The following SGCZ variants were observed in gnomAD, a reference collection of about 807,000 sequenced individuals.
The protein encoded by SGCZ is sarcoglycan zeta.
SGCZ carries 40 observed loss-of-function variants against 41.3 expected under a neutral mutation model. That is an observed-to-expected ratio of 0.97 (90% CI 0.75 to 1.26). SGCZ has a LOEUF of 1.26. Among genes scored for constraint, SGCZ ranks in the 50% most tolerant of loss-of-function variants. The pLI is 0.00. For missense variants in SGCZ, 552 were observed against 369.8 expected (o/e 1.49, Z -4.04); for synonymous variants, 206 against 137.5 (o/e 1.50, Z -3.49).
intron 4 of SGCZ, among the ~76,000 whole-genome samples, chr8:14,167,549 A>C (rs1315472312): frequency 6.6e-6 from 1 of 152,194 alleles, no homozygotes; most frequent in Non-Finnish European, 1.5e-5. Context: ...ATAAACTCAC[A>C]ATCAACAAAG....
At chr8:14,238,393 T>C (rs1330348725) in intron 3 of SGCZ, among the ~76,000 whole-genome samples, 1 of 152,222 alleles carries the variant, frequency 6.6e-6, no homozygotes, top group Admixed American at 6.5e-5. Context: ...CTATAGTAAC[T>C]TATTTTTCAA....
intron 1 of SGCZ, among the ~76,000 whole-genome samples, chr8:14,620,284 T>G (rs1431663344): frequency 6.6e-6 from 1 of 152,002 alleles, no homozygotes; most frequent in African/African-American, 2.4e-5. Context: ...ATACAAAAAT[T>G]AATTCAAGAT....
intron 3 of SGCZ, among the ~76,000 whole-genome samples, chr8:14,248,851 C>T (rs969052722): frequency 6.6e-6 from 1 of 151,644 alleles, no homozygotes; most frequent in Non-Finnish European, 1.5e-5. Flanking sequence ...TGCATGTATG[C>T]TGTAACTTAA....
intron 3 of SGCZ, among the ~76,000 whole-genome samples, chr8:14,297,052 G>C (rs1801036137): frequency 6.6e-6 from 1 of 151,976 alleles, no homozygotes; most frequent in East Asian, 1.9e-4. Context: ...ATCCTGAGTA[G>C]TGAGGAGTAC....
intron 2 of SGCZ, among the ~76,000 whole-genome samples, chr8:14,494,517 G>GCA (rs1215800317): frequency 2.0e-5 from 3 of 151,898 alleles, no homozygotes; most frequent in Middle Eastern, 3.2e-3. Flanking sequence ...ATACACACAT[G>GCA]CACACACACA....
chr8:14,965,928 A>C (rs551941689), intron 1 of SGCZ, among the ~76,000 whole-genome samples: 4 of 152,240 alleles, frequency 2.6e-5, no homozygotes, highest in African/African-American at 7.2e-5. Flanking sequence ...ATCGAAGAAG[A>C]AACCAAAACT....
At chr8:15,172,154 G>GTTTTTTTTTTTTTTTT (rs1183210302) in intron 1 of SGCZ, among the ~76,000 whole-genome samples, 3 of 71,764 alleles carry the variant, frequency 4.2e-5, no homozygotes, top group African/African-American at 1.5e-4. Flanking sequence ...TTTATACTCT[G>GTTTTTTTTTTTTTTTT]TTTTTTTTTT....
intron 2 of SGCZ, among the ~76,000 whole-genome samples, chr8:14,550,867 G>T (rs925489129): frequency 2.6e-5 from 4 of 151,884 alleles, no homozygotes; most frequent in Admixed American, 1.3e-4. Context: ...TGTACAGATA[G>T]TTGTTCTAAA....
At chr8:15,166,911 T>C (rs73533417) in intron 1 of SGCZ, among the ~76,000 whole-genome samples, 2,477 of 152,314 alleles carry the variant, frequency 0.016, 58 homozygotes, top group African/African-American at 0.056. Flanking sequence ...AGAGCTGAAA[T>C]GTTCATGAAT....
intron 1 of SGCZ, among the ~76,000 whole-genome samples, chr8:14,710,554 C>T (rs1809483935): frequency 6.6e-6 from 1 of 151,900 alleles, no homozygotes; most frequent in African/African-American, 2.4e-5. Context: ...TCACTGTCTA[C>T]GTGAGTTAAT....
intron 1 of SGCZ, among the ~76,000 whole-genome samples, chr8:14,909,090 T>C (rs1799205190): frequency 2.0e-5 from 3 of 152,208 alleles, no homozygotes; most frequent in African/African-American, 7.2e-5. Context: ...GTGCATCAAG[T>C]TGATTAAGTA....
At chr8:15,078,180 T>G (rs1805613752) in intron 1 of SGCZ, among the ~76,000 whole-genome samples, 1 of 127,658 alleles carries the variant, frequency 7.8e-6, no homozygotes, top group Admixed American at 8.0e-5. Flanking sequence ...TTTTTTTGCG[T>G]AATGAATCCA....
intron 5 of SGCZ, chr8:14,161,368 G>C (rs1053343901): frequency 6.6e-6 from 1 of 151,714 alleles, no homozygotes; most frequent in Admixed American, 6.6e-5. Context: ...GTAAAGTCCT[G>C]GCAAGAATTA....
chr8:14,451,273 T>C (rs570599128), intron 2 of SGCZ, among the ~76,000 whole-genome samples: 1 of 152,332 alleles, frequency 6.6e-6, no homozygotes, highest in South Asian at 2.1e-4. Flanking sequence ...TGTCCTACGT[T>C]CATTTTTGAT....
At chr8:14,099,677 G>A (rs1801951606) in intron 7 of SGCZ, among the ~76,000 whole-genome samples, 1 of 152,000 alleles carries the variant, frequency 6.6e-6, no homozygotes. Context: ...GTGACCCAAG[G>A]TCATGCCAAT....
At chr8:14,460,633 A>G (rs368110587) in intron 2 of SGCZ, among the ~76,000 whole-genome samples, 1 of 152,166 alleles carries the variant, frequency 6.6e-6, no homozygotes, top group South Asian at 2.1e-4. Flanking sequence ...CCAACTGAGA[A>G]ATACCAAAGA....
At chr8:14,205,247 G>C (rs1293189230) in intron 4 of SGCZ, among the ~76,000 whole-genome samples, 1 of 151,894 alleles carries the variant, frequency 6.6e-6, no homozygotes, top group East Asian at 1.9e-4. Context: ...AGATTCTCTG[G>C]AGACATCAAT....
chr8:14,609,774 T>C (rs1253061838), intron 1 of SGCZ, among the ~76,000 whole-genome samples: 1 of 152,106 alleles, frequency 6.6e-6, no homozygotes, highest in Admixed American at 6.5e-5. Context: ...GTGGTTTGTA[T>C]ACATGTCTCA....
At chr8:14,707,101 T>C (rs148196225) in intron 1 of SGCZ, among the ~76,000 whole-genome samples, 3 of 151,722 alleles carry the variant, frequency 2.0e-5, no homozygotes, top group African/African-American at 4.8e-5. Flanking sequence ...TTGTTGCATA[T>C]ATATACATGT....
Sources: allele counts gnomAD v4.1 joint callset (sites outside exome capture counted in the v4.1 genomes callset), GRCh38; gene constraint gnomAD v4.1.1; transcripts MANE v1.5; gene names NCBI Gene and HGNC (gene_info 2026-07-23, HGNC 2026-07-21).